HSP90AA1: variants seen among roughly 807,000 people sequenced by gnomAD.
The protein encoded by HSP90AA1 is heat shock protein 90 alpha family class A member 1, also known as heat shock protein HSP 90-alpha.
In HSP90AA1, 18 loss-of-function variants were observed where a neutral mutation model predicts 73.3. That is an observed-to-expected ratio of 0.25 (90% CI 0.17 to 0.36). The LOEUF is 0.36. Among genes scored for constraint, HSP90AA1 ranks in the 10% least tolerant of loss-of-function variants. HSP90AA1 has a pLI of 1.00. For missense variants in HSP90AA1, 704 were observed against 874.2 expected (o/e 0.81, Z 2.45); for synonymous variants, 477 against 296.9 (o/e 1.61, Z -6.24).
intron 3 of HSP90AA1, 65 bp downstream of exon 3, chr14:102,085,693 G>A (rs35241778): frequency 0.051 from 82,346 of 1,606,698 alleles, 2,363 homozygotes; most frequent in Non-Finnish European, 0.058. Flanking sequence ...ATCCCCAGGG[G>A]TCCAAGGGTT....
At chr14:102,101,474 C>T (rs1423051968) in intron 2 of HSP90AA1, among the ~76,000 whole-genome samples, 2 of 152,226 alleles carry the variant, frequency 1.3e-5, no homozygotes, top group Admixed American at 6.5e-5. Context: ...CGCTTCTTCA[C>T]GCCCCTCCTG....
rs186290063 is a variant in HSP90AA1 at position 102,081,153 on chromosome 14, A to G, written c.*559T>C. Reference sequence around the variant, plus strand: ...TGAGTTATTTTTGAACAGCTTTACGATATGCTTAGGTAGGCTTTTAACTTT... The same window carrying G: ...TGAGTTATTTTTGAACAGCTTTACGGTATGCTTAGGTAGGCTTTTAACTTT... On this transcript the variant is annotated 3_prime_UTR_variant, in exon 11 of 11. Coordinates refer to ENST00000216281, the MANE Select transcript of HSP90AA1 (RefSeq NM_005348.4). 1 of 232,822 alleles carries G rather than the reference A, an allele frequency of 4.3e-6. No individual in the cohort carries two copies. Among genetic ancestry groups the G allele is most frequent in the Non-Finnish European group, 8.5e-6 (1 of 117,294 alleles). 14.4% of individuals were successfully genotyped at this position (232,822 alleles called of 1,614,324 possible). A position where few individuals can be genotyped will look rare whatever the true frequency, so the allele number is the denominator to read the frequency against.
chr14:102,106,256 A>G (rs2049566328), intron 1 of HSP90AA1, among the ~76,000 whole-genome samples: 1 of 152,226 alleles, frequency 6.6e-6, no homozygotes, highest in South Asian at 2.1e-4. Context: ...GCATCTGTCC[A>G]CAAAACTATT....
chr14:102,093,624 C>G (rs1228213141), intron 2 of HSP90AA1, among the ~76,000 whole-genome samples: 1 of 152,140 alleles, frequency 6.6e-6, no homozygotes, highest in Admixed American at 6.5e-5. Flanking sequence ...GAGCAAGCTT[C>G]TCAGCCTCTC....
chr14:102,081,955 G>GT (rs1367344905), intron 10 of HSP90AA1, 134 bp from the exon 11 acceptor site: 12 of 771,656 alleles, frequency 1.6e-5, no homozygotes, highest in Non-Finnish European at 2.3e-5. Context: ...CTTTGCTCTT[G>GT]TAAGACCTTA....
intron 1 of HSP90AA1, among the ~76,000 whole-genome samples, chr14:102,132,067 T>C (rs1264716506): frequency 6.6e-6 from 1 of 152,112 alleles, no homozygotes; most frequent in East Asian, 1.9e-4. Flanking sequence ...TGAGGCTGTC[T>C]TCATAAAAAA....
At chr14:102,136,567 C>CA (rs1165638280) in intron 1 of HSP90AA1, among the ~76,000 whole-genome samples, 2,053 of 53,138 alleles carry the variant, frequency 0.039, 157 homozygotes, top group South Asian at 0.15. Flanking sequence ...AGACTCGTCT[C>CA]AAAAAAAAAA....
intron 6 of HSP90AA1, 72 bp downstream of exon 6, chr14:102,084,327 T>A (rs2049170745): frequency 7.0e-7 from 1 of 1,422,556 alleles, no homozygotes; most frequent in Admixed American, 1.8e-5. Flanking sequence ...ATTATAGGTG[T>A]GAGCCACCAT....
At chr14:102,129,648 G>A (rs1345534336) in intron 1 of HSP90AA1, among the ~76,000 whole-genome samples, 1 of 151,270 alleles carries the variant, frequency 6.6e-6, no homozygotes, top group Admixed American at 6.6e-5. Context: ...AATTACAGGT[G>A]CACGCCACCA....
chr14:102,107,232 G>A (rs888607906), intron 1 of HSP90AA1, among the ~76,000 whole-genome samples: 15 of 151,974 alleles, frequency 9.9e-5, no homozygotes, highest in Non-Finnish European at 1.9e-4. Context: ...CTGGCCTGCC[G>A]CACATCCTAG....
intron 1 of HSP90AA1, among the ~76,000 whole-genome samples, chr14:102,124,588 G>A (rs2152625146): frequency 6.6e-6 from 1 of 152,078 alleles, no homozygotes; most frequent in South Asian, 2.1e-4. Flanking sequence ...CCAGGCTGGA[G>A]TGCAGTGGCA....
upstream of HSP90AA1, chr14:102,087,280 T>TCGCACGCCCCC (rs577007672): frequency 6.9e-4 from 334 of 486,558 alleles, 5 homozygotes; most frequent in East Asian, 0.037. Flanking sequence ...CGCGCGCCTC[T>TCGCACGCCCCC]CGCACGCCCC....
chr14:102,118,470 G>A (rs555977431), intron 1 of HSP90AA1, among the ~76,000 whole-genome samples: 15 of 151,730 alleles, frequency 9.9e-5, no homozygotes, highest in African/African-American at 3.6e-4. Context: ...TGGACTCCTG[G>A]ATTCAAGCGA....
chr14:102,084,914 T>C lies in HSP90AA1; in HGVS notation c.748A>G (p.Lys250Glu), dbSNP rs775947762. The C allele has an allele frequency of 1.9e-6, 3 of 1,580,614 alleles. No homozygotes were observed. The highest frequency in any genetic ancestry group is 2.2e-5 in the South Asian group (2 of 90,412). The change falls in exon 5 of 11, where the codon AAA becomes GAA. Residue 250 changes from lysine (K) to glutamate (E), a missense_variant. By Grantham distance (56) the Lys-to-Glu change is moderately conservative. Coordinates refer to ENST00000216281, the MANE Select transcript of HSP90AA1 (RefSeq NM_005348.4). ...ATTTCAGGTTTGTCTTCCGACTCTTTCTCTTCTTTTTCTTTTTCTTCTTCT... is the reference window on the plus strand; with the variant it reads ...ATTTCAGGTTTGTCTTCCGACTCTTCCTCTTCTTTTTCTTTTTCTTCTTCT... Reference protein sequence around the residue: ...DKEEEKEKEEKESEDKPEIED... With the variant: ...DKEEEKEKEEEESEDKPEIED...
chr14:102,098,996 A>G (rs2049460627), intron 2 of HSP90AA1, among the ~76,000 whole-genome samples: 1 of 152,240 alleles, frequency 6.6e-6, no homozygotes, highest in South Asian at 2.1e-4. Context: ...AAACCTCCAC[A>G]CATTGCAAAC....
Position 102,086,465 on chromosome 14 carries a change from A to G in HSP90AA1, c.1-87T>C, listed in dbSNP as rs561930512. 25 of 1,454,888 alleles carry G rather than the reference A, an allele frequency of 1.7e-5. No homozygotes were observed. In the African/African-American group the frequency reaches 3.3e-4, roughly 19 times the overall value. The allele number at this position is 1,454,888 out of a possible 1,614,324, so 90.1% of individuals were successfully genotyped here. Reference sequence around the variant, plus strand: ...CCATCGCGTTCTCCAAATATTTTTAAAGCCGAATTGGAGATTTGCGAAGTT... The same window carrying G: ...CCATCGCGTTCTCCAAATATTTTTAGAGCCGAATTGGAGATTTGCGAAGTT... On this transcript the variant is annotated intron_variant, in intron 1 of 10. Transcript: ENST00000216281.
upstream of HSP90AA1, among the ~76,000 whole-genome samples, chr14:102,089,083 G>C (rs943324847): frequency 6.6e-6 from 1 of 151,902 alleles, no homozygotes; most frequent in Non-Finnish European, 1.5e-5. Context: ...ACTACGCCCG[G>C]CTAATTTTTG....
intron 5 of HSP90AA1, 27 bp downstream of exon 5, chr14:102,084,654 A>C: frequency 1.2e-6 from 2 of 1,614,058 alleles, no homozygotes; most frequent in Non-Finnish European, 1.7e-6. Flanking sequence ...TCTAAGGACA[A>C]GCTTGAAGCA....
At chr14:102,103,635 C>G (rs1244019418) in intron 1 of HSP90AA1, among the ~76,000 whole-genome samples, 19 of 151,908 alleles carry the variant, frequency 1.3e-4, no homozygotes, top group Admixed American at 1.2e-3. Context: ...GAAACCCTGT[C>G]TCTACTAAAA....
Sources: allele counts gnomAD v4.1 joint callset (sites outside exome capture counted in the v4.1 genomes callset), GRCh38; gene constraint gnomAD v4.1.1; transcripts MANE v1.5; gene names NCBI Gene and HGNC (gene_info 2026-07-23, HGNC 2026-07-21).